FUT1: variants seen among roughly 807,000 people sequenced by gnomAD.
The protein encoded by FUT1 is fucosyltransferase 1 (H blood group), also known as galactoside alpha-(1,2)-fucosyltransferase 1.
For missense variants in FUT1, 476 were observed against 492.7 expected (o/e 0.97, Z 0.32); for synonymous variants, 215 against 208.7 (o/e 1.03, Z -0.26).
chr19:48,750,684 C>A lies in FUT1; in HGVS notation c.598G>T (p.Gly200Cys). Reference sequence around the variant, plus strand: ...CCTGTGCGGCCCAGGCGGAGCTGACCCAGCACACTCTGCGCCTCTTCCCGA... The same window carrying A: ...CCTGTGCGGCCCAGGCGGAGCTGACACAGCACACTCTGCGCCTCTTCCCGA... ...HLREEAQSVL[G>C]QLRLGRTGDR... The change falls in exon 2 of 2, where the codon GGT (glycine) becomes TGT (cysteine). Residue 200 changes from glycine to cysteine, a missense_variant. Physicochemically the swap from Gly to Cys is radical, Grantham distance 159. Transcript: ENST00000645652. 1.9e-6 allele frequency: 3 copies of A among 1,613,188 alleles called. No homozygotes were observed. The highest frequency in any genetic ancestry group is 2.5e-6 in the Non-Finnish European group (3 of 1,179,984).
chr19:48,750,186 A>G lies in FUT1; in HGVS notation c.1096T>C (p.Ter366ArgextTer10), dbSNP rs562758691. Residue 366 changes from the stop codon to arginine (R), a stop_lost, in exon 2 of 2, where the codon TGA (stop) becomes CGA (arginine). Transcript: ENST00000645652. ...ACTTCAGAAAGTCTCCCTGGCTCTC[A>G]AGGCTTAGCCAATGTCCAGAGTGGA... ...LSPLWTLAKP[*>R] The G allele has an allele frequency of 6.2e-7, 1 of 1,608,304 alleles. No homozygotes were observed. Among genetic ancestry groups the G allele is most frequent in the South Asian group, 1.1e-5 (1 of 90,114 alleles).
rs1018598000 is a variant in FUT1 at position 48,752,042 on chromosome 19, C to T, written c.-3+448G>A. Among the ~76,000 whole-genome samples, 2 of 148,648 alleles carry T rather than the reference C, an allele frequency of 1.3e-5. No homozygotes were observed. Among genetic ancestry groups the T allele is most frequent in the Admixed American group, 1.4e-4 (2 of 14,652 alleles). On this transcript the variant is annotated intron_variant, in intron 1 of 1. Transcript: ENST00000645652. The surrounding 1 kb of genome is among the most constrained non-coding windows in gnomAD (Gnocchi z 4.3). ...TGCTAAGGCGGGAGGATCCCCGGAG[C>T]TCACAATGAGCCGCGATAGCACCGC...
rs753670995 is a variant in FUT1 at position 48,752,467 on chromosome 19, T to A, written c.-3+23A>T. ...GTTGTTCCTGGGTCCCAGGAACAAC[T>A]GAGTGGGGCAGTCCCCACTTACCCG... is the stretch of plus-strand genomic sequence containing the variant. On this transcript the variant is annotated intron_variant, in intron 1 of 1. Coordinates refer to ENST00000645652, the MANE Select transcript of FUT1 (RefSeq NM_001384359.1). The surrounding 1 kb of genome is among the most constrained non-coding windows in gnomAD (Gnocchi z 4.3). 2.8e-5 allele frequency: 28 copies of A among 985,144 alleles called. No individual in the cohort carries two copies. Among genetic ancestry groups the A allele is most frequent in the Non-Finnish European group, 3.3e-5 (27 of 829,790 alleles). The allele number at this position is 985,144 out of a possible 1,614,324, so 61.0% of individuals were successfully genotyped here.
chr19:48,751,232 C>T lies in FUT1; in HGVS notation c.50G>A (p.Cys17Tyr). The T allele has an allele frequency of 6.2e-7, 1 of 1,614,178 alleles. No individual in the cohort carries two copies. The highest frequency in any genetic ancestry group is 8.5e-7 in the Non-Finnish European group (1 of 1,180,044). The change falls in exon 2 of 2, where the codon TGT becomes TAT. Residue 17 changes from cysteine (C) to tyrosine (Y), a missense_variant. Coordinates refer to ENST00000645652, the MANE Select transcript of FUT1 (RefSeq NM_001384359.1). ...GAGGAAGAAGATTACAGAGAGGACACAGACTAGCAGGAAGGCCAGGCAGAG... is the reference window on the plus strand; with the variant it reads ...GAGGAAGAAGATTACAGAGAGGACATAGACTAGCAGGAAGGCCAGGCAGAG... ...RQLCLAFLLV[C>Y]VLSVIFFLHI...
Position 48,749,997 on chromosome 19 carries a change from C to T in FUT1, c.*187G>A, listed in dbSNP as rs558637241. ...ATCAGGAAAAGATGTTTTGCTAGTTCTAGAATATTCAGACAGTTCCAGAAA... is the reference window on the plus strand; with the variant it reads ...ATCAGGAAAAGATGTTTTGCTAGTTTTAGAATATTCAGACAGTTCCAGAAA... On this transcript the variant is annotated 3_prime_UTR_variant, in exon 2 of 2. Transcript: ENST00000645652. The T allele has an allele frequency of 5.6e-6, 4 of 716,962 alleles. No homozygotes were observed. The African/African-American group carries it at 7.1e-5, about 13-fold the overall frequency. The allele number at this position is 716,962 out of a possible 1,614,324, so 44.4% of individuals were successfully genotyped here.
intron 1 of FUT1, among the ~76,000 whole-genome samples, chr19:48,751,524 A>G (rs1599766333): frequency 6.6e-6 from 1 of 152,218 alleles, no homozygotes; most frequent in Middle Eastern, 3.4e-3. Context: ...CAAGATAGCC[A>G]TGGTTTGGCT....
rs772198054 is a variant in FUT1 at position 48,750,219 on chromosome 19, C to G, written c.1063G>C (p.Asp355His). The change falls in exon 2 of 2, where the codon GAC becomes CAC. Residue 355 changes from aspartate (D) to histidine (H), a missense_variant. By Grantham distance (81) the Asp-to-His change is moderately conservative. Coordinates refer to ENST00000645652, the MANE Select transcript of FUT1 (RefSeq NM_001384359.1). ...FLPEWVGINA[D>H]LSPLWTLAKP The stretch of plus-strand genomic sequence containing the variant: ...GCCAATGTCCAGAGTGGAGACAAGT[C>G]TGCATTAATGCCCACCCACTCGGGC... The G allele has an allele frequency of 1.9e-6, 3 of 1,611,656 alleles. No homozygotes were observed. In the East Asian group the frequency reaches 6.7e-5, roughly 36 times the overall value.
chr19:48,754,487 C>T (rs558804769), upstream of FUT1, among the ~76,000 whole-genome samples: 101 of 152,250 alleles, frequency 6.6e-4, no homozygotes, highest in Non-Finnish European at 1.2e-3. Context: ...TCAAGAGGCC[C>T]TTATGCCGGT....
At chr19:48,754,037 A>T (rs1221981381), upstream of FUT1, among the ~76,000 whole-genome samples, 5 of 151,860 alleles carry the variant, frequency 3.3e-5, no homozygotes, top group Non-Finnish European at 7.4e-5. Context: ...ACAAAAAATT[A>T]TCCGGGCGCG....
In FUT1 at chr19:48,750,937, G is replaced by A. The variant is rs758453543; in HGVS notation, c.345C>T (p.Ala115=). The change falls in exon 2 of 2, where the codon GCC becomes GCT. Residue 115 remains alanine (A), a synonymous_variant. Coordinates refer to ENST00000645652, the MANE Select transcript of FUT1 (RefSeq NM_001384359.1). ...LNGRRAFILP[A]MHAALAPVFR... The stretch of plus-strand genomic sequence containing the variant: ...ATACCGGGGCCAGGGCGGCATGCAT[G>A]GCAGGCAGGATAAAGGCCCGGCGGC... The A allele has an allele frequency of 1.1e-5, 18 of 1,610,294 alleles. No homozygotes were observed. Among genetic ancestry groups the A allele is most frequent in the Non-Finnish European group, 1.4e-5 (16 of 1,177,480 alleles).
At position 48,750,023 on chromosome 19, in the gene FUT1, C is replaced by T. The variant is rs1002697956; in HGVS notation, c.*161G>A. On this transcript the variant is annotated 3_prime_UTR_variant, in exon 2 of 2. Transcript: ENST00000645652. Reference sequence around the variant, plus strand: ...TAGAATATTCAGACAGTTCCAGAAACGTCCCCCTTCTCTCCAACTCTCCCA... The same window carrying T: ...TAGAATATTCAGACAGTTCCAGAAATGTCCCCCTTCTCTCCAACTCTCCCA... 45 of 821,396 alleles carry T rather than the reference C, an allele frequency of 5.5e-5. No individual in the cohort carries two copies. The highest frequency in any genetic ancestry group is 3.4e-4 in the South Asian group (21 of 61,144). 50.9% of individuals were successfully genotyped at this position (821,396 alleles called of 1,614,324 possible). A position where few individuals can be genotyped will look rare whatever the true frequency, so the allele number is the denominator to read the frequency against.
At position 48,749,709 on chromosome 19, in the gene FUT1, A is replaced by C. The variant is rs2033965151; in HGVS notation, c.*475T>G. The C allele has an allele frequency of 1.1e-5, 2 of 179,326 alleles. No individual in the cohort carries two copies. The highest frequency in any genetic ancestry group is 2.4e-5 in the African/African-American group (1 of 41,758). The allele number at this position is 179,326 out of a possible 1,614,324, so 11.1% of individuals were successfully genotyped here. A position where few individuals can be genotyped will look rare whatever the true frequency, so the allele number is the denominator to read the frequency against. On this transcript the variant is annotated 3_prime_UTR_variant, in exon 2 of 2. Transcript: ENST00000645652. ...CCATAAGGGCCCTGCAGGGTTCTTC[A>C]CAGGCATCAAACCTGGTCCTCTCTA...
rs2033968948 is a variant in FUT1 at position 48,750,036 on chromosome 19, T to C, written c.*148A>G. ...CAGTTCCAGAAACGTCCCCCTTCTC[T>C]CCAACTCTCCCAACTAGAATCACTC... On this transcript the variant is annotated 3_prime_UTR_variant, in exon 2 of 2. Transcript: ENST00000645652. 1 of 941,810 alleles carries C rather than the reference T, an allele frequency of 1.1e-6. No homozygotes were observed. Among genetic ancestry groups the C allele is most frequent in the South Asian group, 1.5e-5 (1 of 66,916 alleles). 58.3% of individuals were successfully genotyped at this position (941,810 alleles called of 1,614,324 possible).
Position 48,750,595 on chromosome 19 carries a change from A to C in FUT1, c.687T>G (p.Pro229=). The C allele has an allele frequency of 6.2e-7, 1 of 1,611,338 alleles. No individual in the cohort carries two copies. The highest frequency in any genetic ancestry group is 8.5e-7 in the Non-Finnish European group (1 of 1,179,986). ...VRRGDYLQVM[P]QRWKGVVGDS... ...CGCCCACCACACCCTTCCAGCGCTG[A>C]GGCATAACCTGCAGATAGTCCCCAC... Residue 229 remains proline (P), a synonymous_variant, in exon 2 of 2, where the codon CCT becomes CCG. Transcript: ENST00000645652.
chr19:48,750,892 C>A lies in FUT1; in HGVS notation c.390G>T (p.Val130=). ...TGCGGCTGTCCACTTCTGGGGCCAG[C>A]ACGGGCAGGGTGATGCGGAATACCG... ...LAPVFRITLP[V]LAPEVDSRTP... The change falls in exon 2 of 2, where the codon GTG becomes GTT. Residue 130 remains valine (V), a synonymous_variant. Transcript: ENST00000645652. 1 of 1,613,640 alleles carries A rather than the reference C, an allele frequency of 6.2e-7. No homozygotes were observed. Among genetic ancestry groups the A allele is most frequent in the Non-Finnish European group, 8.5e-7 (1 of 1,179,906 alleles).
chr19:48,753,600 C>G (rs1289028859), upstream of FUT1: 2 of 153,130 alleles, frequency 1.3e-5, no homozygotes, highest in South Asian at 1.9e-4. Flanking sequence ...AATAAAGACA[C>G]AAGACAAAGA....
upstream of FUT1, among the ~76,000 whole-genome samples, chr19:48,754,982 C>T (rs1033657090): frequency 4.6e-5 from 7 of 151,304 alleles, no homozygotes; most frequent in African/African-American, 1.7e-4. Context: ...CTTCCTCAGA[C>T]CCAGGAGTCC....
Position 48,750,984 on chromosome 19 carries a change from G to C in FUT1, c.298C>G (p.Leu100Val). Residue 100 changes from leucine to valine, a missense_variant, in exon 2 of 2, where the codon CTG becomes GTG. By Grantham distance (32) the Leu-to-Val change is conservative. Transcript: ENST00000645652. ...CGGCCGTTGAGCTGGGCCAGAGCCA[G>C]CAGCGTGGCATACTGTCCCATCTGA... ...GNQMGQYATLLALAQLNGRRA... is the reference protein window; with the variant it reads ...GNQMGQYATLVALAQLNGRRA... 6.3e-7 allele frequency: 1 copy of C among 1,597,154 alleles called. No individual in the cohort carries two copies. The highest frequency in any genetic ancestry group is 2.2e-5 in the East Asian group (1 of 44,720).
chr19:48,754,454 G>T (rs117154136), upstream of FUT1, among the ~76,000 whole-genome samples: 2 of 152,084 alleles, frequency 1.3e-5, no homozygotes, highest in Admixed American at 1.3e-4. Flanking sequence ...AGACACTGGC[G>T]TTCCCGCTTG....
Sources: gnomAD v4.1 joint callset for allele counts (sites outside exome capture counted in the v4.1 genomes callset) on GRCh38, gnomAD v4.1.1 for gene constraint, Gnocchi (gnomAD v3.1) non-coding constraint, MANE v1.5 for transcripts, NCBI Gene and HGNC (gene_info 2026-07-23, HGNC 2026-07-21) for gene names.